Variants in LRFN5 observed in about 807,000 individuals in gnomAD.
LRFN5 encodes the protein leucine-rich repeat and fibronectin type-III domain-containing protein 5.
A neutral mutation model predicts 45.6 loss-of-function variants in LRFN5; 24 were observed. The ratio of observed to expected loss-of-function variants is 0.53; its 90% CI spans 0.38 to 0.74. LRFN5 has a LOEUF of 0.74. Ranked by LOEUF, LRFN5 falls within the 30% of genes least tolerant of loss-of-function variation. The pLI is 0.00. For missense variants in LRFN5, 776 were observed against 861.5 expected (o/e 0.90, Z 1.24); for synonymous variants, 340 against 313.8 (o/e 1.08, Z -0.88).
At chr14:41,676,340 C>T (rs2138674849) in intron 1 of LRFN5, among the ~76,000 whole-genome samples, 1 of 152,234 alleles carries the variant, frequency 6.6e-6, no homozygotes, top group East Asian at 1.9e-4. Flanking sequence ...CAGCAGTGGC[C>T]TATATGGCTC....
At position 41,784,988 on chromosome 14, in the gene LRFN5, T is replaced by C. The variant is rs141471632; in HGVS notation, c.-21+17959T>C. Among the ~76,000 whole-genome samples the C allele has an allele frequency of 7.9e-5, 12 of 152,196 alleles. No individual in the cohort carries two copies. In the East Asian group the frequency reaches 1.9e-3, roughly 25 times the overall value. ...CATTACCATGTTCTCTGGGAGACAC[T>C]GACATATTGATAATCATGAAATACA... On this transcript the variant is annotated intron_variant, in intron 2 of 5. Transcript: ENST00000298119.
intron 2 of LRFN5, among the ~76,000 whole-genome samples, chr14:41,821,747 A>G (rs539895821): frequency 1.3e-3 from 150 of 119,104 alleles, no homozygotes; most frequent in African/African-American, 4.6e-3. Context: ...CTGTGAATCC[A>G]TCTGTTCCTG....
At chr14:41,612,526 G>T (rs1330861038) in intron 1 of LRFN5, among the ~76,000 whole-genome samples, 2 of 152,054 alleles carry the variant, frequency 1.3e-5, no homozygotes, top group African/African-American at 4.8e-5. Flanking sequence ...AGGTGTGAGA[G>T]CCCCTAGAAT....
chr14:41,881,470 ATATT>A (rs1890378713), intron 2 of LRFN5, among the ~76,000 whole-genome samples: 1 of 151,568 alleles, frequency 6.6e-6, no homozygotes, highest in Non-Finnish European at 1.5e-5. Flanking sequence ...CTTTATCTTT[ATATT>A]TAGTTTTCAG....
intron 1 of LRFN5, among the ~76,000 whole-genome samples, chr14:41,668,227 T>C (rs1173955041): frequency 1.3e-5 from 2 of 152,234 alleles, no homozygotes; most frequent in East Asian, 3.8e-4. Context: ...TATTTGATTA[T>C]TTTCACTTAA....
chr14:41,700,763 T>G (rs2138724344), intron 1 of LRFN5: 1 of 152,126 alleles, frequency 6.6e-6, no homozygotes, highest in East Asian at 1.9e-4. Flanking sequence ...TACTATAACT[T>G]ATAGATGAGG....
chr14:41,755,212 AGT>A (rs1885319587), intron 1 of LRFN5, among the ~76,000 whole-genome samples: 1 of 152,106 alleles, frequency 6.6e-6, no homozygotes, highest in Admixed American at 6.6e-5. Flanking sequence ...GAATCAGTGC[AGT>A]GTGGTGCTGA....
intron 1 of LRFN5, among the ~76,000 whole-genome samples, chr14:41,670,069 G>T (rs1335533446): frequency 6.8e-6 from 1 of 147,400 alleles, no homozygotes; most frequent in African/African-American, 2.5e-5. Context: ...TTTACTATAT[G>T]CACCTATATA....
chr14:41,669,969 T>C (rs1188142060), intron 1 of LRFN5, among the ~76,000 whole-genome samples: 1 of 138,120 alleles, frequency 7.2e-6, no homozygotes, highest in African/African-American at 2.8e-5. Flanking sequence ...AAGAAAAAAA[T>C]AGTTAAAAAT....
intron 2 of LRFN5, among the ~76,000 whole-genome samples, chr14:41,883,151 C>T (rs1890446599): frequency 6.7e-6 from 1 of 149,154 alleles, no homozygotes; most frequent in African/African-American, 2.5e-5. Context: ...CACCCCCCGC[C>T]ATTTCCCCCC....
intron 1 of LRFN5, among the ~76,000 whole-genome samples, chr14:41,637,621 T>C (rs1879366593): frequency 6.6e-6 from 1 of 152,144 alleles, no homozygotes; most frequent in Admixed American, 6.6e-5. Flanking sequence ...CAGAACTCAT[T>C]GGGTGGATCC....
chr14:41,825,282 G>A (rs527874720), intron 2 of LRFN5, among the ~76,000 whole-genome samples: 6 of 152,168 alleles, frequency 3.9e-5, no homozygotes, highest in Non-Finnish European at 7.3e-5. Flanking sequence ...ACCCTAGAGG[G>A]TTGGGAGGGG....
intron 1 of LRFN5, among the ~76,000 whole-genome samples, chr14:41,633,574 G>C (rs2138583145): frequency 6.6e-6 from 1 of 152,228 alleles, no homozygotes; most frequent in African/African-American, 2.4e-5. Context: ...CTTGATGTCA[G>C]TGCCTGTTTT....
At chr14:41,867,943 T>G (rs1475136068) in intron 2 of LRFN5, among the ~76,000 whole-genome samples, 1 of 152,110 alleles carries the variant, frequency 6.6e-6, no homozygotes, top group Non-Finnish European at 1.5e-5. Flanking sequence ...AGATAGAAAG[T>G]GTAGGACAGA....
chr14:41,674,163 C>T (rs1329225150), intron 1 of LRFN5, among the ~76,000 whole-genome samples: 5 of 132,216 alleles, frequency 3.8e-5, no homozygotes, highest in Admixed American at 2.2e-4. Flanking sequence ...GCAGAGGCGC[C>T]CCTCACCTCC....
intron 2 of LRFN5, among the ~76,000 whole-genome samples, chr14:41,863,334 C>T (rs1052472699): frequency 3.9e-5 from 6 of 152,136 alleles, no homozygotes; most frequent in Non-Finnish European, 8.8e-5. Flanking sequence ...TTGTTGTTCT[C>T]TTTAAAACAT....
intron 1 of LRFN5, among the ~76,000 whole-genome samples, chr14:41,739,003 T>G (rs1884570864): frequency 6.6e-6 from 1 of 152,206 alleles, no homozygotes; most frequent in Non-Finnish European, 1.5e-5. Context: ...CACATGTTAG[T>G]CTACAAGTCA....
chr14:41,656,485 A>G (rs1430875323), intron 1 of LRFN5, among the ~76,000 whole-genome samples: 1 of 151,904 alleles, frequency 6.6e-6, no homozygotes. Context: ...GATCAGCTTT[A>G]TTGAGCCACT....
chr14:41,627,065 G>A (rs1888360072), intron 1 of LRFN5, among the ~76,000 whole-genome samples: 1 of 152,054 alleles, frequency 6.6e-6, no homozygotes, highest in Admixed American at 6.6e-5. Context: ...CAGTATAAAA[G>A]GATAGTTTTC....
Sources: gnomAD v4.1 joint callset for allele counts (sites outside exome capture counted in the v4.1 genomes callset) on GRCh38, gnomAD v4.1.1 for gene constraint, MANE v1.5 for transcripts, NCBI Gene and HGNC (gene_info 2026-07-23, HGNC 2026-07-21) for gene names.